Variants in MTUS2 observed in about 807,000 individuals in gnomAD.
MTUS2 encodes the protein microtubule associated scaffold protein 2.
A neutral mutation model predicts 114.1 loss-of-function variants in MTUS2; 40 were observed. The observed-to-expected ratio is 0.35, with a 90% CI of 0.27 to 0.46. MTUS2 has a LOEUF of 0.46. Among genes scored for constraint, MTUS2 ranks in the 20% least tolerant of loss-of-function variants. MTUS2 has a pLI of 1.00. For missense variants in MTUS2, 1,679 were observed against 1,705.4 expected (o/e 0.98, Z 0.27); for synonymous variants, 688 against 672.0 (o/e 1.02, Z -0.37).
intron 5 of MTUS2, among the ~76,000 whole-genome samples, chr13:29,120,018 A>G (rs1891241038): frequency 6.6e-6 from 1 of 152,192 alleles, no homozygotes; most frequent in South Asian, 2.1e-4. Context: ...TTCATAAGAA[A>G]AGCAAAGCCA....
At chr13:29,127,741 C>G (rs1240191123) in intron 5 of MTUS2, among the ~76,000 whole-genome samples, 1 of 152,202 alleles carries the variant, frequency 6.6e-6, no homozygotes, top group Non-Finnish European at 1.5e-5. Flanking sequence ...CCCCGCTTGC[C>G]CTGATTCTCC....
intron 2 of MTUS2, among the ~76,000 whole-genome samples, chr13:28,963,815 A>G (rs1323175976): frequency 6.6e-6 from 1 of 152,092 alleles, no homozygotes; most frequent in African/African-American, 2.4e-5. Context: ...TGGTCACTTC[A>G]GTTGTCATCT....
chr13:29,062,392 C>T (rs1888463851), intron 4 of MTUS2, among the ~76,000 whole-genome samples: 2 of 151,068 alleles, frequency 1.3e-5, no homozygotes, highest in Admixed American at 1.3e-4. Flanking sequence ...GTGCGAATAA[C>T]TTCTGTGAGA....
chr13:29,101,197 T>C (rs1251388366), intron 5 of MTUS2, among the ~76,000 whole-genome samples: 4 of 152,140 alleles, frequency 2.6e-5, no homozygotes, highest in Admixed American at 1.3e-4. Flanking sequence ...TCTTAGGATG[T>C]AGAAAATGAC....
intron 2 of MTUS2, among the ~76,000 whole-genome samples, chr13:29,021,500 TG>T (rs1017923036): frequency 2.7e-4 from 41 of 152,394 alleles, no homozygotes; most frequent in Admixed American, 1.3e-3. Context: ...TTTGGTACTT[TG>T]TTTTTGTTTG....
chr13:29,405,460 C>G (rs541816468), intron 8 of MTUS2, among the ~76,000 whole-genome samples: 1 of 152,122 alleles, frequency 6.6e-6, no homozygotes, highest in African/African-American at 2.4e-5. Context: ...TTTATTGTAA[C>G]GGAAATCCAA....
In MTUS2 at chr13:29,025,407, G is replaced by C. The variant is rs769635742; in HGVS notation, c.709G>C (p.Glu237Gln). ...AAFPATDSTS[E>Q]GKSVRHPKPS... ...TTTCCCTGCAACTGACAGTACCTCA[G>C]AGGGAAAGAGTGTGCGTCATCCTAA... Residue 237 changes from glutamate (E) to glutamine (Q), a missense_variant, in exon 3 of 16, where the codon GAG becomes CAG. By Grantham distance (29) the Glu-to-Gln change is conservative (BLOSUM62 2). Transcript: ENST00000612955. 9.9e-6 allele frequency: 16 copies of C among 1,613,832 alleles called. No homozygotes were observed. The highest frequency in any genetic ancestry group is 1.4e-5 in the Non-Finnish European group (16 of 1,179,870).
intron 2 of MTUS2, among the ~76,000 whole-genome samples, chr13:28,857,012 C>G (rs1004973281): frequency 6.6e-6 from 1 of 152,170 alleles, no homozygotes; most frequent in East Asian, 1.9e-4. Flanking sequence ...GCACATTCAC[C>G]CCAGACACTC....
intron 1 of MTUS2, among the ~76,000 whole-genome samples, chr13:28,831,075 A>T (rs1272485578): frequency 6.6e-6 from 1 of 152,212 alleles, no homozygotes; most frequent in Non-Finnish European, 1.5e-5. Flanking sequence ...CATCCACAGG[A>T]AGAAATAAAG....
At chr13:29,294,138 A>G (rs537967843) in intron 6 of MTUS2, among the ~76,000 whole-genome samples, 1 of 152,150 alleles carries the variant, frequency 6.6e-6, no homozygotes, top group Non-Finnish European at 1.5e-5. Flanking sequence ...AAAATGAAAC[A>G]AAAATATCTC....
chr13:29,460,547 C>T (rs1879409696), intron 9 of MTUS2, among the ~76,000 whole-genome samples: 1 of 152,200 alleles, frequency 6.6e-6, no homozygotes, highest in East Asian at 1.9e-4. Context: ...CAAAAGCCTC[C>T]ATTTCTGCTG....
chr13:29,443,087 G>A (rs1224047470), intron 9 of MTUS2, among the ~76,000 whole-genome samples: 1 of 152,190 alleles, frequency 6.6e-6, no homozygotes. Flanking sequence ...ATGGGCTTTA[G>A]GTTCAGGTGG....
At chr13:28,910,945 G>GGCTCA (rs1880385568) in intron 2 of MTUS2, among the ~76,000 whole-genome samples, 1 of 129,272 alleles carries the variant, frequency 7.7e-6, no homozygotes, top group South Asian at 2.5e-4. Context: ...GCGTGATCTC[G>GGCTCA]GCTCAGTGCA....
At chr13:29,160,931 A>G (rs1330210076) in intron 5 of MTUS2, among the ~76,000 whole-genome samples, 1 of 152,240 alleles carries the variant, frequency 6.6e-6, no homozygotes, top group African/African-American at 2.4e-5. Flanking sequence ...TACATACTGC[A>G]TGACTCCATG....
chr13:29,124,237 G>A (rs1203573489), intron 5 of MTUS2, among the ~76,000 whole-genome samples: 1 of 152,104 alleles, frequency 6.6e-6, no homozygotes, highest in East Asian at 1.9e-4. Context: ...TTCCATTACA[G>A]GTCATAGATT....
intron 9 of MTUS2, 188 bp from the exon 10 acceptor site, chr13:29,479,962 T>G (rs1318570627): frequency 3.7e-6 from 2 of 534,038 alleles, no homozygotes; most frequent in Non-Finnish European, 6.5e-6. Flanking sequence ...CTTCTCAACA[T>G]CCAGGGTCTG....
At chr13:29,301,422 T>C (rs1593278205) in intron 6 of MTUS2, among the ~76,000 whole-genome samples, 1 of 152,332 alleles carries the variant, frequency 6.6e-6, no homozygotes, top group East Asian at 1.9e-4. Context: ...TAGACTCTTT[T>C]TTAAAGAGTG....
intron 2 of MTUS2, among the ~76,000 whole-genome samples, chr13:28,924,420 C>T (rs1189409823): frequency 6.6e-6 from 1 of 152,136 alleles, no homozygotes; most frequent in Non-Finnish European, 1.5e-5. Context: ...TGAGAATGAT[C>T]CTGCAATCAA....
chr13:29,428,997 G>C, intron 8 of MTUS2: 1 of 1,186,730 alleles, frequency 8.4e-7, no homozygotes, highest in Non-Finnish European at 1.3e-6. Context: ...TAGCATGCGT[G>C]TGCGCTTTGT....
Sources: allele counts gnomAD v4.1 joint callset (sites outside exome capture counted in the v4.1 genomes callset), GRCh38; gene constraint gnomAD v4.1.1; transcripts MANE v1.5; gene names NCBI Gene and HGNC (gene_info 2026-07-23, HGNC 2026-07-21).